ELOVL6: variants seen among roughly 807,000 people sequenced by gnomAD.
ELOVL6 encodes ELOVL fatty acid elongase 6, also known as very long chain fatty acid elongase 6.
In ELOVL6, 8 loss-of-function variants were observed where a neutral mutation model predicts 31.7. The observed-to-expected ratio is 0.25, with a 90% CI of 0.15 to 0.45. The LOEUF is 0.45. ELOVL6 is among the 20% of genes least tolerant of loss of function. The pLI is 1.00. For synonymous variants in ELOVL6, 101 were observed against 117.7 expected (o/e 0.86, Z 0.92); for missense variants, 126 against 326.4 (o/e 0.39, Z 4.73).
chr4:110,084,111 G>GTT (rs1491544993), intron 2 of ELOVL6, among the ~76,000 whole-genome samples: 2 of 48,038 alleles, frequency 4.2e-5, no homozygotes, highest in Admixed American at 2.4e-4. Flanking sequence ...TGATATATAT[G>GTT]ATATATATAA....
intron 2 of ELOVL6, among the ~76,000 whole-genome samples, chr4:110,102,398 T>C (rs916724164): frequency 6.6e-6 from 1 of 152,188 alleles, no homozygotes. Context: ...TTTGGATTTT[T>C]GACCCGAGAG....
intron 1 of ELOVL6, chr4:110,118,203 C>A (rs1757244291): frequency 6.6e-6 from 1 of 151,580 alleles, no homozygotes; most frequent in Middle Eastern, 3.4e-3. Flanking sequence ...AGTGATCCAC[C>A]CGCCTCGGCC....
At position 110,172,901 on chromosome 4, in the gene ELOVL6, C is replaced by A. The variant is rs1758996110; in HGVS notation, c.89+25346G>T. 2.6e-5 allele frequency among the ~76,000 whole-genome samples: 4 copies of A among 152,278 alleles called. No individual in the cohort carries two copies. The South Asian group carries it at 8.3e-4, about 32-fold the overall frequency. On this transcript the variant is annotated intron_variant, in intron 1 of 3. Coordinates refer to ENST00000302274, the MANE Select transcript of ELOVL6 (RefSeq NM_024090.3). Reference sequence around the variant, plus strand: ...AGGAAAACCAACAATACTCCCTGGACCTCCCAAACCTTCTTGTCTTCAAGT... The same window carrying A: ...AGGAAAACCAACAATACTCCCTGGAACTCCCAAACCTTCTTGTCTTCAAGT...
chr4:110,130,396 T>C (rs913122721), intron 1 of ELOVL6, among the ~76,000 whole-genome samples: 1 of 152,136 alleles, frequency 6.6e-6, no homozygotes, highest in Non-Finnish European at 1.5e-5. Flanking sequence ...AGCTGCCTGA[T>C]CTGTGGGAGC....
intron 3 of ELOVL6, among the ~76,000 whole-genome samples, chr4:110,055,420 G>T (rs1420577703): frequency 1.3e-5 from 2 of 152,196 alleles, no homozygotes; most frequent in African/African-American, 2.4e-5. Flanking sequence ...GAACGTTTCA[G>T]TCCTGTCATT....
At chr4:110,153,615 A>G (rs144301291) in intron 1 of ELOVL6, among the ~76,000 whole-genome samples, 2 of 152,344 alleles carry the variant, frequency 1.3e-5, no homozygotes, top group African/African-American at 4.8e-5. Context: ...GACACATTTT[A>G]CCCTTTATGT....
In ELOVL6 at chr4:110,083,612, G is replaced by C. The variant is rs76998948; in HGVS notation, c.221+21885C>G. The stretch of plus-strand genomic sequence containing the variant: ...ACAAGCATTGGTAGGTTTTAAGCAG[G>C]TAATGACATGATTTGTATTTTTAAT... On this transcript the variant is annotated intron_variant, in intron 2 of 3. Coordinates refer to ENST00000302274, the MANE Select transcript of ELOVL6 (RefSeq NM_024090.3). Among the ~76,000 whole-genome samples the C allele has an allele frequency of 8.8e-4, 133 of 151,694 alleles. 4 individuals are homozygous for C. The highest frequency in any genetic ancestry group is 3.1e-3 in the African/African-American group (127 of 41,052).
intron 1 of ELOVL6, among the ~76,000 whole-genome samples, chr4:110,120,863 C>T (rs551719178): frequency 5.0e-5 from 7 of 139,108 alleles, no homozygotes; most frequent in East Asian, 2.2e-4. Context: ...TGCTGTGGAG[C>T]GATTTTGGCT....
intron 1 of ELOVL6, among the ~76,000 whole-genome samples, chr4:110,128,033 T>C (rs7686250): frequency 0.63 from 93,303 of 148,966 alleles, 29,183 homozygotes; most frequent in East Asian, 0.77. Context: ...CACAGAGAGA[T>C]CCTGTCTCAA....
chr4:110,105,769 C>T (rs2126246591), intron 1 of ELOVL6, 141 bp from the exon 2 acceptor site: 2 of 723,642 alleles, frequency 2.8e-6, no homozygotes, highest in Non-Finnish European at 4.5e-6. Context: ...GTCTAGTCTA[C>T]ACGGCAAACT....
At chr4:110,084,179 T>C (rs1310116239) in intron 2 of ELOVL6, among the ~76,000 whole-genome samples, 2 of 110,900 alleles carry the variant, frequency 1.8e-5, no homozygotes, top group African/African-American at 3.4e-5. Context: ...ATATATGATA[T>C]ATATAACATA....
chr4:110,158,657 A>ATATTTTTTTTTTTTT, intron 1 of ELOVL6, among the ~76,000 whole-genome samples: 4 of 74,160 alleles, frequency 5.4e-5, no homozygotes, highest in Non-Finnish European at 6.9e-5. Flanking sequence ...ATATATATAT[A>ATATTTTTTTTTTTTT]TTTTTTTTTT....
At chr4:110,077,098 G>A (rs796961784) in intron 2 of ELOVL6, among the ~76,000 whole-genome samples, 4 of 152,202 alleles carry the variant, frequency 2.6e-5, no homozygotes, top group South Asian at 2.1e-4. Context: ...CAGGAAGCTC[G>A]AACTGGGTGG....
At chr4:110,173,013 C>T (rs1758999531) in intron 1 of ELOVL6, among the ~76,000 whole-genome samples, 1 of 152,198 alleles carries the variant, frequency 6.6e-6, no homozygotes, top group Non-Finnish European at 1.5e-5. Flanking sequence ...GTGACACCTT[C>T]CCATTTGTCT....
intron 2 of ELOVL6, chr4:110,060,188 C>G (rs536965127): frequency 6.5e-6 from 1 of 154,210 alleles, no homozygotes; most frequent in Non-Finnish European, 1.4e-5. Context: ...CTGTTTACCT[C>G]TTTAGGCAAA....
rs182641884 is a variant in ELOVL6, at chr4:110,113,088, C to T, written c.90-7460G>A. ...AAAAATACAAAAAAAATTAGCCAGG[C>T]GTGGTGGCAGGCGCCTGTAATCCCA... On this transcript the variant is annotated intron_variant, in intron 1 of 3. Coordinates refer to ENST00000302274, the MANE Select transcript of ELOVL6 (RefSeq NM_024090.3). Among the ~76,000 whole-genome samples the T allele has an allele frequency of 3.6e-3, 545 of 150,520 alleles. 6 individuals carry two copies. The highest frequency in any genetic ancestry group is 0.011 in the Admixed American group (162 of 15,124).
rs1258169812 is a variant in ELOVL6 at position 110,053,382 on chromosome 4, A to G, written c.374-1620T>C. Among the ~76,000 whole-genome samples the G allele has an allele frequency of 2.6e-5, 4 of 152,374 alleles. No individual in the cohort carries two copies. In the East Asian group the frequency reaches 5.8e-4, roughly 22 times the overall value. On this transcript the variant is annotated intron_variant, in intron 3 of 3. Coordinates refer to ENST00000302274, the MANE Select transcript of ELOVL6 (RefSeq NM_024090.3). ...AAAGAATGCTGGACTATGGGGAAAG[A>G]CTTCTAAGGTTCTAATGGCAGTGGC...
intron 2 of ELOVL6, among the ~76,000 whole-genome samples, chr4:110,067,124 C>T (rs766022998): frequency 9.9e-5 from 15 of 152,100 alleles, no homozygotes; most frequent in Admixed American, 2.0e-4. Flanking sequence ...GCAGTTAAAT[C>T]GGGGCATAGG....
chr4:110,129,180 A>C (rs1412422323), intron 1 of ELOVL6, among the ~76,000 whole-genome samples: 2 of 152,160 alleles, frequency 1.3e-5, no homozygotes, highest in Non-Finnish European at 2.9e-5. Flanking sequence ...AAAATTAATA[A>C]TTATTTTTAA....
Sources: allele counts gnomAD v4.1 joint callset (sites outside exome capture counted in the v4.1 genomes callset), GRCh38; gene constraint gnomAD v4.1.1; transcripts MANE v1.5; gene names NCBI Gene and HGNC (gene_info 2026-07-23, HGNC 2026-07-21).